Variants in FGD5 observed in about 807,000 individuals in gnomAD.
The protein encoded by FGD5 is FYVE, RhoGEF and PH domain-containing protein 5.
In FGD5, 28 loss-of-function variants were observed where a neutral mutation model predicts 133.4. That is an observed-to-expected ratio of 0.21 (90% CI 0.16 to 0.29). The LOEUF (loss-of-function observed/expected upper bound fraction) is 0.29, where lower values mean the gene tolerates loss of function less well. Ranked by LOEUF, FGD5 falls within the 10% of genes least tolerant of loss-of-function variation. The pLI is 1.00. For synonymous variants in FGD5, 810 were observed against 776.5 expected (o/e 1.04, Z -0.72); for missense variants, 1,858 against 1,895.2 (o/e 0.98, Z 0.36).
intron 1 of FGD5, among the ~76,000 whole-genome samples, chr3:14,836,017 G>A (rs1469774587): frequency 6.6e-6 from 1 of 152,208 alleles, no homozygotes; most frequent in Non-Finnish European, 1.5e-5. Context: ...AGGAACTCGA[G>A]GCTCCAGAGC....
chr3:14,908,921 A>AATTTATTTATTT (rs748320275), intron 10 of FGD5, among the ~76,000 whole-genome samples: 28 of 149,854 alleles, frequency 1.9e-4, no homozygotes, highest in Admixed American at 9.3e-4. Flanking sequence ...ATAAAAAGGG[A>AATTTATTTATTT]ATTTATTTAT....
At chr3:14,844,947 C>A (rs2125088966) in intron 1 of FGD5, among the ~76,000 whole-genome samples, 1 of 152,252 alleles carries the variant, frequency 6.6e-6, no homozygotes. Context: ...TGTCCCGTTA[C>A]CTTCTAAGGT....
At chr3:14,845,889 A>G (rs148101601) in intron 1 of FGD5, among the ~76,000 whole-genome samples, 21 of 152,306 alleles carry the variant, frequency 1.4e-4, no homozygotes, top group East Asian at 3.9e-4. Flanking sequence ...GAGAGGGGCT[A>G]TGACTGAAGT....
At chr3:14,878,598 G>A (rs293924) in intron 2 of FGD5, among the ~76,000 whole-genome samples, 21,900 of 152,138 alleles carry the variant, frequency 0.14, 1,908 homozygotes, top group East Asian at 0.39. Context: ...TGACATGCAT[G>A]TGTGCTGGAT....
At chr3:14,826,250 G>A (rs1559470491) in intron 1 of FGD5, among the ~76,000 whole-genome samples, 1 of 151,762 alleles carries the variant, frequency 6.6e-6, no homozygotes, top group Admixed American at 6.6e-5. Context: ...TCTCTCACTC[G>A]CTCTCTCTTT....
chr3:14,886,539 G>T (rs972921077), intron 4 of FGD5, among the ~76,000 whole-genome samples: 2 of 152,228 alleles, frequency 1.3e-5, no homozygotes, highest in Non-Finnish European at 2.9e-5. Context: ...GGCGTAAGGG[G>T]CAGGGACGTG....
In FGD5 at chr3:14,924,117, A is replaced by C; in HGVS notation, c.4047A>C (p.Lys1349Asn). 1 of 1,613,986 alleles carries C rather than the reference A, an allele frequency of 6.2e-7. No individual in the cohort carries two copies. Among genetic ancestry groups the C allele is most frequent in the Non-Finnish European group, 8.5e-7 (1 of 1,179,888 alleles). The stretch of plus-strand genomic sequence containing the variant: ...CCTCGACCTTCAAGAAGCAGAAGAA[A>C]GTCCCTTCAGCCCTGACAGAGGTAA... ...INPSTFKKQK[K>N]VPSALTEVAA... Residue 1349 changes from lysine (K) to asparagine (N), a missense_variant, in exon 17 of 20, where the codon AAA (lysine) becomes AAC (asparagine). By Grantham distance (94) the Lys-to-Asn change is moderately conservative. Transcript: ENST00000285046.
At chr3:14,901,833 G>T (rs2038245622) in intron 9 of FGD5, among the ~76,000 whole-genome samples, 1 of 152,236 alleles carries the variant, frequency 6.6e-6, no homozygotes, top group Non-Finnish European at 1.5e-5. Flanking sequence ...CAGACCTTGT[G>T]CTGTGTTGGG....
intron 1 of FGD5, among the ~76,000 whole-genome samples, chr3:14,863,274 G>T (rs1385990309): frequency 6.6e-6 from 1 of 152,250 alleles, no homozygotes; most frequent in Admixed American, 6.5e-5. Flanking sequence ...GCCACTGAAG[G>T]TTTTTGGGCA....
At chr3:14,931,924 C>G (rs2038904997) in intron 18 of FGD5, 1 of 152,154 alleles carries the variant, frequency 6.6e-6, no homozygotes, top group African/African-American at 2.4e-5. Context: ...GCTGTGTGAT[C>G]TTGGGCAATT....
intron 1 of FGD5, among the ~76,000 whole-genome samples, chr3:14,811,576 C>A (rs1021412059): frequency 2.0e-5 from 3 of 152,226 alleles, no homozygotes; most frequent in East Asian, 3.8e-4. Context: ...CCCCCACCCC[C>A]AGTCCATCGC....
intron 1 of FGD5, among the ~76,000 whole-genome samples, chr3:14,859,572 TAAAAG>T (rs1320587231): frequency 1.5e-5 from 2 of 134,138 alleles, no homozygotes; most frequent in African/African-American, 2.9e-5. Flanking sequence ...AAAAAAATAA[TAAAAG>T]AAAGAAAGAA....
Position 14,917,436 on chromosome 3 carries a change from G to C in FGD5, c.3489+104G>C. 9.6e-7 allele frequency: 1 copy of C among 1,041,644 alleles called. No homozygotes were observed. Among genetic ancestry groups the C allele is most frequent in the South Asian group, 1.5e-5 (1 of 66,124 alleles). 64.5% of individuals were successfully genotyped at this position (1,041,644 alleles called of 1,614,324 possible). A position where few individuals can be genotyped will look rare whatever the true frequency, so the allele number is the denominator to read the frequency against. On this transcript the variant is annotated intron_variant, in intron 12 of 19. Transcript: ENST00000285046. The surrounding 1 kb of genome is among the most constrained non-coding windows in gnomAD (Gnocchi z 4.1). ...AGGAGCACCCAGACCAGCTGGAAGAGGGAGGCCCTGCGGAAACAGTGTTGG... is the reference window on the plus strand; with the variant it reads ...AGGAGCACCCAGACCAGCTGGAAGACGGAGGCCCTGCGGAAACAGTGTTGG...
At chr3:14,813,153 G>A (rs1385605085) in intron 1 of FGD5, among the ~76,000 whole-genome samples, 1 of 152,126 alleles carries the variant, frequency 6.6e-6, no homozygotes, top group Non-Finnish European at 1.5e-5. Context: ...CATCATGTCT[G>A]TTATTTTCCG....
intron 2 of FGD5, among the ~76,000 whole-genome samples, chr3:14,874,962 C>T (rs1298445977): frequency 1.3e-5 from 2 of 152,154 alleles, no homozygotes; most frequent in Non-Finnish European, 2.9e-5. Flanking sequence ...ACTCACTCTC[C>T]TCCGCCTCCT....
chr3:14,871,276 G>A (rs748331196), intron 2 of FGD5, among the ~76,000 whole-genome samples: 5 of 152,174 alleles, frequency 3.3e-5, no homozygotes, highest in Admixed American at 6.5e-5. Context: ...TCATGGGTGC[G>A]TCCTTGCTGC....
At chr3:14,843,703 T>TTTTG (rs2036969621) in intron 1 of FGD5, among the ~76,000 whole-genome samples, 2 of 124,018 alleles carry the variant, frequency 1.6e-5, no homozygotes, top group Non-Finnish European at 3.3e-5. Context: ...TTTTTTTTTT[T>TTTTG]GGGGGGAGAC....
chr3:14,819,179 C>T lies in FGD5; in HGVS notation c.108C>T (p.Asn36=), dbSNP rs376329460. The T allele has an allele frequency of 3.9e-5, 61 of 1,551,360 alleles. No homozygotes were observed. Among genetic ancestry groups the T allele is most frequent in the African/African-American group, 5.5e-5 (4 of 73,050 alleles). Residue 36 remains asparagine (N), a synonymous_variant, in exon 1 of 20, where the codon AAC becomes AAT. Coordinates refer to ENST00000285046, the MANE Select transcript of FGD5 (RefSeq NM_152536.4). This position sits in a 1 kb window ranked among gnomAD's most constrained non-coding sequence, Gnocchi z 4.1. ...ATGACAGCTTGAACAAATGCAGCAA[C>T]GGGCGGCTGCCCTGTGTAGACAGGG... ...YLNDSLNKCS[N]GRLPCVDRGL...
intron 9 of FGD5, among the ~76,000 whole-genome samples, chr3:14,903,147 C>A (rs1178351968): frequency 6.6e-6 from 1 of 152,224 alleles, no homozygotes; most frequent in Admixed American, 6.5e-5. Context: ...AACTTCTCTT[C>A]CCAGACTGAA....
Sources: gnomAD v4.1 joint callset for allele counts (sites outside exome capture counted in the v4.1 genomes callset) on GRCh38, gnomAD v4.1.1 for gene constraint, Gnocchi (gnomAD v3.1) non-coding constraint, MANE v1.5 for transcripts, NCBI Gene and HGNC (gene_info 2026-07-23, HGNC 2026-07-21) for gene names.